The following NBEA variants were observed in gnomAD, a reference collection of about 807,000 sequenced individuals.
NBEA encodes neurobeachin.
NBEA carries 44 observed loss-of-function variants against 343.4 expected under a neutral mutation model. The observed-to-expected ratio is 0.13, with a 90% CI of 0.10 to 0.16. The LOEUF (loss-of-function observed/expected upper bound fraction) is 0.16, where lower values mean the gene tolerates loss of function less well. Ranked by LOEUF, NBEA falls within the 10% of genes least tolerant of loss-of-function variation. The pLI is 1.00. For missense variants in NBEA, 2,555 were observed against 3,631.3 expected (o/e 0.70, Z 7.62); for synonymous variants, 1,175 against 1,238.7 (o/e 0.95, Z 1.08).
chr13:35,426,004 A>G (rs2044643855), intron 38 of NBEA, among the ~76,000 whole-genome samples: 1 of 152,024 alleles, frequency 6.6e-6, no homozygotes, highest in Admixed American at 6.6e-5. Context: ...TGCTTGGTAG[A>G]TCTTTCTCCA....
chr13:35,667,733 A>C (rs1384181135), intron 57 of NBEA, among the ~76,000 whole-genome samples, 163 bp downstream of exon 57: 1 of 152,252 alleles, frequency 6.6e-6, no homozygotes, highest in Non-Finnish European at 1.5e-5. Flanking sequence ...AAAGAAACCC[A>C]AAGTTCATTT....
chr13:35,170,833 A>G (rs2070405276), intron 25 of NBEA, among the ~76,000 whole-genome samples: 1 of 151,834 alleles, frequency 6.6e-6, no homozygotes, highest in African/African-American at 2.4e-5. Flanking sequence ...TTTCCCTATT[A>G]TTCATCATAC....
chr13:35,152,704 T>C (rs1454612318), intron 18 of NBEA, among the ~76,000 whole-genome samples: 1 of 152,218 alleles, frequency 6.6e-6, no homozygotes, highest in Non-Finnish European at 1.5e-5. Context: ...ATGCTTATGA[T>C]TCATTGTTGT....
At chr13:35,535,142 G>C (rs1382480454) in intron 41 of NBEA, among the ~76,000 whole-genome samples, 1 of 152,110 alleles carries the variant, frequency 6.6e-6, no homozygotes, top group Non-Finnish European at 1.5e-5. Flanking sequence ...TCATTTGCCA[G>C]CAAGGGCCAT....
chr13:35,138,965 TG>T (rs1200730545), intron 17 of NBEA, among the ~76,000 whole-genome samples: 2 of 152,028 alleles, frequency 1.3e-5, no homozygotes, highest in Non-Finnish European at 2.9e-5. Flanking sequence ...ATAATGATTA[TG>T]TCTGGGTTGA....
chr13:35,646,446 T>C, intron 51 of NBEA, 98 bp downstream of exon 51: 1 of 863,878 alleles, frequency 1.2e-6, no homozygotes, highest in African/African-American at 1.7e-5. Context: ...TTTAAAAGGC[T>C]TCTCGATTTA....
chr13:35,287,409 T>C (rs1245100406), intron 34 of NBEA, among the ~76,000 whole-genome samples: 1 of 152,050 alleles, frequency 6.6e-6, no homozygotes, highest in Non-Finnish European at 1.5e-5. Context: ...GTTTTATAAC[T>C]TGCTTTAAAT....
chr13:35,492,290 A>G (rs2076531061), intron 41 of NBEA, among the ~76,000 whole-genome samples: 1 of 151,984 alleles, frequency 6.6e-6, no homozygotes, highest in Admixed American at 6.6e-5. Context: ...ACACTAAAGA[A>G]CTTACTCATG....
intron 44 of NBEA, among the ~76,000 whole-genome samples, chr13:35,556,273 C>T (rs2079567521): frequency 6.6e-6 from 1 of 151,916 alleles, no homozygotes; most frequent in Admixed American, 6.6e-5. Context: ...ATGTAAAGAA[C>T]TTAATTTCAT....
At chr13:35,425,802 A>C (rs934187639) in intron 38 of NBEA, among the ~76,000 whole-genome samples, 1 of 152,116 alleles carries the variant, frequency 6.6e-6, no homozygotes, top group African/African-American at 2.4e-5. Context: ...GTAGGTCACT[A>C]AGGACTTGCT....
intron 41 of NBEA, among the ~76,000 whole-genome samples, chr13:35,511,186 T>C (rs758889587): frequency 6.6e-6 from 1 of 152,166 alleles, no homozygotes; most frequent in Non-Finnish European, 1.5e-5. Context: ...CATTGTTAGT[T>C]TTGAGATATA....
intron 34 of NBEA, among the ~76,000 whole-genome samples, chr13:35,267,040 T>C (rs1361596922): frequency 6.6e-6 from 1 of 151,990 alleles, no homozygotes; most frequent in Non-Finnish European, 1.5e-5. Context: ...ATATATTTAC[T>C]ATCCATTAAG....
chr13:35,628,439 T>A (rs934901900), intron 49 of NBEA, among the ~76,000 whole-genome samples, 191 bp downstream of exon 49: 1 of 152,240 alleles, frequency 6.6e-6, no homozygotes, highest in African/African-American at 2.4e-5. Context: ...GGTTCCTTTT[T>A]AAATTTCAGA....
At chr13:35,501,170 GT>G (rs2076873575) in intron 41 of NBEA, among the ~76,000 whole-genome samples, 1 of 152,012 alleles carries the variant, frequency 6.6e-6, no homozygotes, top group Non-Finnish European at 1.5e-5. Context: ...AGTTTTCATA[GT>G]TTAATCCCCT....
intron 1 of NBEA, among the ~76,000 whole-genome samples, chr13:34,992,500 C>T (rs1470103286): frequency 6.6e-6 from 1 of 150,494 alleles, no homozygotes; most frequent in African/African-American, 2.4e-5. Flanking sequence ...CACGCCCGGC[C>T]AAGAAGCAAA....
chr13:35,514,659 T>G (rs1320977211), intron 41 of NBEA, among the ~76,000 whole-genome samples: 25 of 152,240 alleles, frequency 1.6e-4, no homozygotes, highest in Non-Finnish European at 1.5e-5. Context: ...TGCTGTTTTC[T>G]GTACCATATC....
intron 1 of NBEA, among the ~76,000 whole-genome samples, chr13:34,959,280 T>C (rs113171297): frequency 6.6e-6 from 1 of 152,176 alleles, no homozygotes; most frequent in South Asian, 2.1e-4. Context: ...TATGTTTTTT[T>C]CGTAGGTGTT....
chr13:35,567,112 G>A, intron 45 of NBEA, 95 bp downstream of exon 45: 1 of 600,736 alleles, frequency 1.7e-6, no homozygotes, highest in Non-Finnish European at 2.9e-6. Context: ...ATGTTTGTAA[G>A]AAGGTGAAAC....
At chr13:35,410,330 C>T (rs1029453134) in intron 38 of NBEA, among the ~76,000 whole-genome samples, 2 of 152,020 alleles carry the variant, frequency 1.3e-5, no homozygotes, top group Non-Finnish European at 2.9e-5. Context: ...GAGTATACTT[C>T]GTAAAGGCAG....
Sources: gnomAD v4.1 joint callset for allele counts (sites outside exome capture counted in the v4.1 genomes callset) on GRCh38, gnomAD v4.1.1 for gene constraint, MANE v1.5 for transcripts, NCBI Gene and HGNC (gene_info 2026-07-23, HGNC 2026-07-21) for gene names.